SDK1: variants seen among roughly 807,000 people sequenced by gnomAD.
SDK1 encodes the protein sidekick cell adhesion molecule 1, also known as protein sidekick-1.
SDK1 carries 157 observed loss-of-function variants against 245.5 expected under a neutral mutation model. The ratio of observed to expected loss-of-function variants is 0.64; its 90% CI spans 0.56 to 0.73. SDK1 has a LOEUF of 0.73. SDK1 is among the 30% of genes least tolerant of loss of function. SDK1 has a pLI of 0.00. For missense variants in SDK1, 3,583 were observed against 3,002.3 expected (o/e 1.19, Z -4.52); for synonymous variants, 1,647 against 1,278.5 (o/e 1.29, Z -6.15).
At chr7:4,227,701 T>G (rs559381887) in intron 40 of SDK1, among the ~76,000 whole-genome samples, 1 of 152,368 alleles carries the variant, frequency 6.6e-6, no homozygotes, top group Non-Finnish European at 1.5e-5. Context: ...ACTTTTGTAT[T>G]GGCATGACGT....
intron 5 of SDK1, among the ~76,000 whole-genome samples, chr7:3,822,037 A>T (rs1779659681): frequency 6.6e-6 from 1 of 152,174 alleles, no homozygotes; most frequent in African/African-American, 2.4e-5. Flanking sequence ...TCAGTTGATC[A>T]TTTTTTCCAC....
chr7:3,595,207 A>G (rs1370406488), intron 1 of SDK1, among the ~76,000 whole-genome samples: 1 of 148,828 alleles, frequency 6.7e-6, no homozygotes, highest in African/African-American at 2.5e-5. Flanking sequence ...TTTCTGCCAT[A>G]TTGGTGACTT....
chr7:3,722,151 A>T (rs1000941165), intron 4 of SDK1, among the ~76,000 whole-genome samples: 1 of 152,140 alleles, frequency 6.6e-6, no homozygotes, highest in Non-Finnish European at 1.5e-5. Flanking sequence ...AAGTGCTGGA[A>T]TTACAGATGT....
At chr7:3,629,612 C>A (rs1339692562) in intron 2 of SDK1, among the ~76,000 whole-genome samples, 2 of 152,194 alleles carry the variant, frequency 1.3e-5, no homozygotes, top group African/African-American at 4.8e-5. Context: ...AGACCAAATA[C>A]TGCTCTGGTT....
chr7:3,564,765 G>A (rs1006380251), intron 1 of SDK1, among the ~76,000 whole-genome samples: 4 of 152,098 alleles, frequency 2.6e-5, no homozygotes, highest in Non-Finnish European at 4.4e-5. Context: ...TTATGGTTGA[G>A]TTCTACTAAA....
At chr7:3,491,962 ACAT>A (rs1339608185) in intron 1 of SDK1, among the ~76,000 whole-genome samples, 2 of 152,202 alleles carry the variant, frequency 1.3e-5, no homozygotes, top group East Asian at 3.8e-4. Flanking sequence ...TTCATATAAA[ACAT>A]CATTTAAAAT....
At chr7:3,525,461 C>A (rs1198640439) in intron 1 of SDK1, among the ~76,000 whole-genome samples, 1 of 152,030 alleles carries the variant, frequency 6.6e-6, no homozygotes, top group Admixed American at 6.6e-5. Context: ...ATTTACTCCC[C>A]AAGTAGTCTG....
intron 5 of SDK1, among the ~76,000 whole-genome samples, chr7:3,846,885 G>A (rs778304772): frequency 3.9e-5 from 6 of 151,968 alleles, no homozygotes; most frequent in Admixed American, 6.6e-5. Flanking sequence ...TGTCAGGTCC[G>A]CACTGGAACT....
intron 1 of SDK1, among the ~76,000 whole-genome samples, chr7:3,571,314 T>A (rs1323780339): frequency 6.6e-6 from 1 of 152,042 alleles, no homozygotes; most frequent in Non-Finnish European, 1.5e-5. Flanking sequence ...TTTTTAATTT[T>A]TTTTTGAGAT....
At chr7:3,796,120 G>A (rs1423164603) in intron 4 of SDK1, among the ~76,000 whole-genome samples, 1 of 152,210 alleles carries the variant, frequency 6.6e-6, no homozygotes, top group Non-Finnish European at 1.5e-5. Context: ...AGCCTCCTGT[G>A]ATGTGTTGAA....
At chr7:3,438,849 ATTTTTTTTT>A (rs527596036) in intron 1 of SDK1, among the ~76,000 whole-genome samples, 1 of 131,196 alleles carries the variant, frequency 7.6e-6, no homozygotes, top group Non-Finnish European at 1.6e-5. Flanking sequence ...TTGTATTAAT[ATTTTTTTTT>A]TTTTTTTTTT....
At chr7:3,883,453 G>A (rs1781255757) in intron 5 of SDK1, among the ~76,000 whole-genome samples, 1 of 152,178 alleles carries the variant, frequency 6.6e-6, no homozygotes, top group African/African-American at 2.4e-5. Context: ...GCACATGCAG[G>A]TGTGTGTATG....
At chr7:4,216,668 C>CA (rs1373458500) in intron 38 of SDK1, among the ~76,000 whole-genome samples, 1 of 152,196 alleles carries the variant, frequency 6.6e-6, no homozygotes, top group African/African-American at 2.4e-5. Flanking sequence ...AAAAAGTAAA[C>CA]AGTGATCTCA....
chr7:3,305,947 A>G (rs1201148616), intron 1 of SDK1, among the ~76,000 whole-genome samples: 1 of 152,150 alleles, frequency 6.6e-6, no homozygotes, highest in African/African-American at 2.4e-5. Context: ...TTCAGATGTT[A>G]ACTAACTTTC....
chr7:4,080,371 A>G (rs1780979295), intron 22 of SDK1, among the ~76,000 whole-genome samples: 1 of 152,164 alleles, frequency 6.6e-6, no homozygotes, highest in Non-Finnish European at 1.5e-5. Context: ...TGTTCCAATA[A>G]AAGCAGGAGG....
At chr7:3,670,338 G>A (rs571657810) in intron 4 of SDK1, among the ~76,000 whole-genome samples, 136 of 152,010 alleles carry the variant, frequency 8.9e-4, no homozygotes, top group Non-Finnish European at 1.0e-3. Flanking sequence ...TCCCTCTGAC[G>A]TCCAGCCACA....
rs193290252 is a variant in SDK1 at position 3,619,246 on chromosome 7, G to A, written c.458+7G>A. ...CCTACAGCAGCGAATATAAGTAATT[G>A]ATCGCTTGAAAAAATAAGATCCCAT... On this transcript the variant is annotated splice_region_variant and intron_variant, in intron 2 of 44. Transcript: ENST00000404826. 2 of 1,592,150 alleles carry A rather than the reference G, an allele frequency of 1.3e-6. No individual in the cohort carries two copies. Among genetic ancestry groups the A allele is most frequent in the Non-Finnish European group, 1.7e-6 (2 of 1,161,902 alleles).
chr7:3,918,871 A>G lies in SDK1; in HGVS notation c.848-32052A>G, dbSNP rs73674342. Among the ~76,000 whole-genome samples the G allele has an allele frequency of 4.6e-3, 704 of 151,966 alleles. 2 individuals are homozygous for G. The highest frequency in any genetic ancestry group is 0.016 in the African/African-American group (678 of 41,444). On this transcript the variant is annotated intron_variant, in intron 5 of 44. Transcript: ENST00000404826. ...CCACATACATGGCTTCTCACACTCT[A>G]TTCTTCTCATGGACATATTCGTGCC...
chr7:4,202,343 C>G (rs56270699), intron 35 of SDK1, among the ~76,000 whole-genome samples: 20,033 of 152,302 alleles, frequency 0.13, 1,592 homozygotes, highest in Non-Finnish European at 0.17. Flanking sequence ...TGGTCCCTCC[C>G]GCTGCCGCCC....
Sources: allele counts gnomAD v4.1 joint callset (sites outside exome capture counted in the v4.1 genomes callset), GRCh38; gene constraint gnomAD v4.1.1; transcripts MANE v1.5; gene names NCBI Gene and HGNC (gene_info 2026-07-23, HGNC 2026-07-21).